The following SDK2 variants were observed in gnomAD, a reference collection of about 807,000 sequenced individuals.
The protein encoded by SDK2 is protein sidekick-2.
SDK2 carries 105 observed loss-of-function variants against 253.9 expected under a neutral mutation model. The ratio of observed to expected loss-of-function variants is 0.41; its 90% CI spans 0.35 to 0.49. SDK2 has a LOEUF of 0.49. SDK2 is among the 20% of genes least tolerant of loss of function. The pLI, the probability that SDK2 is intolerant of heterozygous loss-of-function variation, is 0.06. For synonymous variants in SDK2, 1,249 were observed against 1,234.9 expected (o/e 1.01, Z -0.24); for missense variants, 2,608 against 3,003.0 (o/e 0.87, Z 3.07).
In SDK2 at chr17:73,423,961, A is replaced by T; in HGVS notation, c.1715T>A (p.Ile572Asn). The change falls in exon 13 of 45, where the codon ATC becomes AAC. Residue 572 changes from isoleucine to asparagine, a missense_variant. Physicochemically the swap from Ile to Asn is moderately radical, Grantham distance 149. Around this residue, in one of 2 missense-constraint regions of SDK2, gnomAD observed 1,505 missense variants for 1,859.1 expected, o/e 0.81. Transcript: ENST00000392650. Reference sequence around the variant, plus strand: ...GCGAGAGTCGTTGCCTCCTGCTGAGATCACCCGGCAGGTGTACGTGCCGAT... The same window carrying T: ...GCGAGAGTCGTTGCCTCCTGCTGAGTTCACCCGGCAGGTGTACGTGCCGAT... Reference protein sequence around the residue: ...GDIGTYTCRVISAGGNDSRSA... With the variant: ...GDIGTYTCRVNSAGGNDSRSA... 6.2e-7 allele frequency: 1 copy of T among 1,604,580 alleles called. No homozygotes were observed. The highest frequency in any genetic ancestry group is 8.5e-7 in the Non-Finnish European group (1 of 1,176,066).
chr17:73,493,419 G>A (rs1481426809), intron 2 of SDK2, among the ~76,000 whole-genome samples: 2 of 152,224 alleles, frequency 1.3e-5, no homozygotes, highest in Non-Finnish European at 2.9e-5. Flanking sequence ...CCCCAGGGCT[G>A]CCAGGATGGG....
chr17:73,613,297 G>A (rs553721596), intron 1 of SDK2, among the ~76,000 whole-genome samples: 1 of 152,104 alleles, frequency 6.6e-6, no homozygotes, highest in Admixed American at 6.5e-5. Context: ...TCCAAGCCCC[G>A]TCTCCCTGGA....
chr17:73,368,352 T>C, intron 37 of SDK2, 55 bp downstream of exon 37: 1 of 1,370,152 alleles, frequency 7.3e-7, no homozygotes, highest in Non-Finnish European at 9.5e-7. Context: ...GTAGGTCCTC[T>C]TGCAACCCCC....
chr17:73,583,108 G>A (rs935093869), intron 1 of SDK2, among the ~76,000 whole-genome samples: 25 of 152,118 alleles, frequency 1.6e-4, no homozygotes, highest in African/African-American at 5.6e-4. Context: ...CTACTGGACC[G>A]CTCAACTAGG....
At chr17:73,353,878 AT>A (rs796348396) in intron 40 of SDK2, among the ~76,000 whole-genome samples, 1 of 145,078 alleles carries the variant, frequency 6.9e-6, no homozygotes, top group Non-Finnish European at 1.5e-5. Flanking sequence ...TAAATTTTGT[AT>A]TTTTTAGTAG....
intron 1 of SDK2, among the ~76,000 whole-genome samples, chr17:73,613,103 G>A (rs1257537849): frequency 5.9e-5 from 9 of 152,192 alleles, no homozygotes; most frequent in Non-Finnish European, 1.5e-5. Flanking sequence ...GAGGAATGAG[G>A]AGCACAAAGC....
At position 73,423,394 on chromosome 17, in the gene SDK2, G is replaced by A. The variant is rs374663885; in HGVS notation, c.1889C>T (p.Ser630Leu). 16 of 1,486,052 alleles carry A rather than the reference G, an allele frequency of 1.1e-5. No individual in the cohort carries two copies. Among genetic ancestry groups the A allele is most frequent in the Admixed American group, 4.5e-5 (2 of 44,394 alleles). The allele number at this position is 1,486,052 out of a possible 1,614,324, so 92.1% of individuals were successfully genotyped here. Reference sequence around the variant, plus strand: ...GACCACGGGAAGCTTACTGTTCTCCGACATCTCCAGAATGTAGCGGATCAG... The same window carrying A: ...GACCACGGGAAGCTTACTGTTCTCCAACATCTCCAGAATGTAGCGGATCAG... ...SPLIRYILEM[S>L]ENNAPWTVLL... Residue 630 changes from serine to leucine, a missense_variant, in exon 14 of 45, where the codon TCG becomes TTG. Physicochemically the swap from Ser to Leu is moderately radical, Grantham distance 145. Around this residue, in one of 2 missense-constraint regions of SDK2, gnomAD observed 1,505 missense variants for 1,859.1 expected, o/e 0.81. Coordinates refer to ENST00000392650, the MANE Select transcript of SDK2 (RefSeq NM_001144952.2).
rs1324617361 is a variant in SDK2, at chr17:73,609,796, T to C, written c.64+34229A>G. Among the ~76,000 whole-genome samples, 4 of 152,036 alleles carry C rather than the reference T, an allele frequency of 2.6e-5. No individual in the cohort carries two copies. The East Asian group carries it at 7.7e-4, about 29-fold the overall frequency. The stretch of plus-strand genomic sequence containing the variant: ...CTGGGGCCAAAGTGGGAAAGAGAAG[T>C]TGCATGAGAACCTCCAGAAAACCTC... On this transcript the variant is annotated intron_variant, in intron 1 of 44. Transcript: ENST00000392650. The surrounding 1 kb of genome is among the most constrained non-coding windows in gnomAD (Gnocchi z 4.4).
chr17:73,422,433 A>G lies in SDK2; in HGVS notation c.1899T>C (p.Asn633=), dbSNP rs766923673. Residue 633 remains asparagine (N), a splice_region_variant and synonymous_variant, in exon 15 of 45, where the codon AAT becomes AAC. Coordinates refer to ENST00000392650, the MANE Select transcript of SDK2 (RefSeq NM_001144952.2). ...TGGCCAGGAGTACAGTCCAGGGGGC[A>G]TCTGCAGGGACAGTGAGTGGGGCAG... ...IRYILEMSEN[N]APWTVLLASV... The G allele has an allele frequency of 1.2e-6, 2 of 1,613,698 alleles. No individual in the cohort carries two copies. Among genetic ancestry groups the G allele is most frequent in the South Asian group, 2.2e-5 (2 of 91,066 alleles).
chr17:73,350,591 CA>C, intron 42 of SDK2, 58 bp downstream of exon 42: 1 of 1,564,292 alleles, frequency 6.4e-7, no homozygotes, highest in Admixed American at 1.8e-5. Flanking sequence ...CTGTTCTGGC[CA>C]AAAAGGAGAT....
At chr17:73,476,909 G>A (rs2063690175) in intron 2 of SDK2, among the ~76,000 whole-genome samples, 1 of 152,160 alleles carries the variant, frequency 6.6e-6, no homozygotes, top group Non-Finnish European at 1.5e-5. Context: ...TGCCCCAGCA[G>A]TGCGGGTACA....
intron 1 of SDK2, among the ~76,000 whole-genome samples, chr17:73,571,793 C>G (rs866955441): frequency 2.0e-5 from 3 of 152,094 alleles, no homozygotes; most frequent in Non-Finnish European, 4.4e-5. Context: ...CCTCTCTGAC[C>G]GGGGTCTGAC....
At position 73,383,683 on chromosome 17, in the gene SDK2, G is replaced by A. The variant is rs539913648; in HGVS notation, c.4705+193C>T. On this transcript the variant is annotated intron_variant, in intron 33 of 44. Transcript: ENST00000392650. The surrounding 1 kb of genome is among the most constrained non-coding windows in gnomAD (Gnocchi z 4.3). ...TCATTGGTGTGCCCCACAGTGACTC[G>A]GGGCCCATAGAAGGTGCTCAGTAAA... Among the ~76,000 whole-genome samples the A allele has an allele frequency of 2.0e-5, 3 of 152,192 alleles. No homozygotes were observed. The highest frequency in any genetic ancestry group is 4.4e-5 in the Non-Finnish European group (3 of 68,044).
At chr17:73,628,281 G>A (rs553372975) in intron 1 of SDK2, among the ~76,000 whole-genome samples, 9 of 152,320 alleles carry the variant, frequency 5.9e-5, no homozygotes, top group East Asian at 3.9e-4. Context: ...CAGGCTCTGC[G>A]CCCAGTTCCT....
intron 1 of SDK2, among the ~76,000 whole-genome samples, chr17:73,530,277 A>T (rs1007561612): frequency 1.9e-4 from 29 of 152,316 alleles, no homozygotes; most frequent in African/African-American, 7.0e-4. Flanking sequence ...GCCGAGGGAA[A>T]CTTACAATCA....
At chr17:73,474,736 G>T (rs2063674193) in intron 2 of SDK2, among the ~76,000 whole-genome samples, 1 of 152,158 alleles carries the variant, frequency 6.6e-6, no homozygotes, top group Admixed American at 6.5e-5. Context: ...AGGCCACTGT[G>T]GGGGAACTGT....
In SDK2 at chr17:73,473,979, A is replaced by C. The variant is rs74757677; in HGVS notation, c.225-1761T>G. 9.3e-3 allele frequency among the ~76,000 whole-genome samples: 1,413 copies of C among 152,302 alleles called. 24 individuals carry two copies. Among genetic ancestry groups the C allele is most frequent in the African/African-American group, 0.032 (1,324 of 41,548 alleles). Reference sequence around the variant, plus strand: ...ATTTCTGGGATGACAAAAAACTCCTAATCTCAGCATAAAGGCATTTTAAAA... The same window carrying C: ...ATTTCTGGGATGACAAAAAACTCCTCATCTCAGCATAAAGGCATTTTAAAA... On this transcript the variant is annotated intron_variant, in intron 2 of 44. Transcript: ENST00000392650.
In SDK2 at chr17:73,510,279, C is replaced by G. The variant is rs573790348; in HGVS notation, c.65-2682G>C. On this transcript the variant is annotated intron_variant, in intron 1 of 44. Transcript: ENST00000392650. Reference sequence around the variant, plus strand: ...CAGCTGGCCCTGCTGCACAGCACCCCCAAACCTTGCACCCCACAGGCCTGA... The same window carrying G: ...CAGCTGGCCCTGCTGCACAGCACCCGCAAACCTTGCACCCCACAGGCCTGA... 2.0e-5 allele frequency among the ~76,000 whole-genome samples: 3 copies of G among 152,278 alleles called. No homozygotes were observed. In the East Asian group the frequency reaches 5.8e-4, roughly 29 times the overall value.
intron 18 of SDK2, among the ~76,000 whole-genome samples, chr17:73,409,296 T>C (rs7503469): frequency 0.99 from 150,322 of 152,286 alleles, 74,221 homozygotes; most frequent in East Asian, 1. Flanking sequence ...GCCTGGTCAA[T>C]GTGGTGAAAC....
Sources: allele counts gnomAD v4.1 joint callset (sites outside exome capture counted in the v4.1 genomes callset), GRCh38; gene constraint gnomAD v4.1.1; regional missense constraint gnomAD v4.1.1; non-coding constraint Gnocchi (gnomAD v3.1); transcripts MANE v1.5; gene names NCBI Gene and HGNC (gene_info 2026-07-23, HGNC 2026-07-21).